Variants in C1QTNF6 observed in about 807,000 individuals in gnomAD.
C1QTNF6 encodes complement C1q tumor necrosis factor-related protein 6.
C1QTNF6 carries 17 observed loss-of-function variants against 20.7 expected under a neutral mutation model. That is an observed-to-expected ratio of 0.82 (90% CI 0.56 to 1.23). The LOEUF (loss-of-function observed/expected upper bound fraction) is 1.23, where lower values mean the gene tolerates loss of function less well. Among genes scored for constraint, C1QTNF6 ranks in the 50% most tolerant of loss-of-function variants. The pLI, the probability that C1QTNF6 is intolerant of heterozygous loss-of-function variation, is 0.00. For synonymous variants in C1QTNF6, 130 were observed against 156.3 expected, an observed-to-expected ratio of 0.83 and a Z score of 1.25; for missense variants, 329 against 389.7, an observed-to-expected ratio of 0.84 and a Z score of 1.31.
chr22:37,189,525 T>C (rs1924677137), upstream of C1QTNF6, among the ~76,000 whole-genome samples: 2 of 152,178 alleles, frequency 1.3e-5, no homozygotes, highest in Non-Finnish European at 1.5e-5. Context: ...ATCTTAAGGG[T>C]TGTAGAGGCA....
chr22:37,185,512 G>A lies in C1QTNF6; in HGVS notation c.52-57C>T, dbSNP rs1277300822. 1.3e-5 allele frequency: 20 copies of A among 1,483,612 alleles called. No homozygotes were observed. In the East Asian group the frequency reaches 1.7e-4, roughly 13 times the overall value. 91.9% of individuals were successfully genotyped at this position (1,483,612 alleles called of 1,614,324 possible). The stretch of plus-strand genomic sequence containing the variant: ...CTTCACTCAACATCTACTATGTGCC[G>A]ATGCCTGGGGTGGGCGGGTGCTGCG... On this transcript the variant is annotated intron_variant, in intron 1 of 2. Coordinates refer to ENST00000337843, the MANE Select transcript of C1QTNF6 (RefSeq NM_031910.4).
In C1QTNF6 at chr22:37,184,347, G is replaced by A. The variant is rs944355053; in HGVS notation, c.289+871C>T. ...TAAGAAAATATCGACCTCACGGGCT[G>A]TTGTGGGCAGAGACGGACGCTAAGG... is the stretch of plus-strand genomic sequence containing the variant. On this transcript the variant is annotated intron_variant, in intron 2 of 2. Coordinates refer to ENST00000337843, the MANE Select transcript of C1QTNF6 (RefSeq NM_031910.4). The surrounding 1 kb of genome is among the most constrained non-coding windows in gnomAD (Gnocchi z 4.0). 2.8e-6 allele frequency: 2 copies of A among 717,094 alleles called. No homozygotes were observed. Among genetic ancestry groups the A allele is most frequent in the African/African-American group, 1.7e-5 (1 of 57,252 alleles). The allele number at this position is 717,094 out of a possible 1,614,324, so 44.4% of individuals were successfully genotyped here. A position where few individuals can be genotyped will look rare whatever the true frequency, so the allele number is the denominator to read the frequency against.
upstream of C1QTNF6, chr22:37,191,827 C>T (rs928111656): frequency 5.3e-5 from 8 of 152,142 alleles, no homozygotes; most frequent in Admixed American, 1.3e-4. Flanking sequence ...TTTACCTTTG[C>T]ATTTGTGTAC....
upstream of C1QTNF6, among the ~76,000 whole-genome samples, chr22:37,192,173 A>C (rs1924862837): frequency 6.6e-6 from 1 of 152,216 alleles, no homozygotes. Flanking sequence ...AAGTAGGGGG[A>C]AAGTCCACAT....
intron 2 of C1QTNF6, among the ~76,000 whole-genome samples, chr22:37,183,882 A>C (rs1924021420): frequency 1.3e-5 from 2 of 152,160 alleles, no homozygotes; most frequent in South Asian, 4.1e-4. Flanking sequence ...ATAAGGCAGC[A>C]AGCTCAGGGC....
chr22:37,182,212 G>A lies in C1QTNF6; in HGVS notation c.813C>T (p.His271=). 3.1e-6 allele frequency: 5 copies of A among 1,613,190 alleles called. No individual in the cohort carries two copies. The highest frequency in any genetic ancestry group is 4.2e-6 in the Non-Finnish European group (5 of 1,179,388). ...CTCAGTCGTCCTCGGCCTTGATGAG[G>A]TGGCCGCTGAAGGTGATGTAGGTGT... ...DFDTYITFSG[H]LIKAEDD Residue 271 remains histidine, a synonymous_variant, in exon 3 of 3, where the codon CAC becomes CAT. Transcript: ENST00000337843.
chr22:37,188,014 G>A, intron 1 of C1QTNF6, 149 bp downstream of exon 1: 2 of 783,826 alleles, frequency 2.6e-6, no homozygotes, highest in South Asian at 2.0e-5. Context: ...CCAGAGGCAG[G>A]AGGAAATGTG....
chr22:37,182,643 C>T lies in C1QTNF6; in HGVS notation c.382G>A (p.Asp128Asn), dbSNP rs1923895644. 2 of 1,613,418 alleles carry T rather than the reference C, an allele frequency of 1.2e-6. No individual in the cohort carries two copies. The highest frequency in any genetic ancestry group is 1.6e-4 in the Middle Eastern group (1 of 6,062). The change falls in exon 3 of 3, where the codon GAC (aspartate) becomes AAC (asparagine). Residue 128 changes from aspartate (D) to asparagine (N), a missense_variant. Physicochemically the swap from Asp to Asn is conservative, Grantham distance 23. Transcript: ENST00000337843. ...CCGGGGCTGCCCATCTCCCCCTTGTCACCCTTGCTGCCCTGAGGGCCAGGC... is the reference window on the plus strand; with the variant it reads ...CCGGGGCTGCCCATCTCCCCCTTGTTACCCTTGCTGCCCTGAGGGCCAGGC... ...GEPGPQGSKGDKGEMGSPGAP... is the reference protein window; with the variant it reads ...GEPGPQGSKGNKGEMGSPGAP...
upstream of C1QTNF6, chr22:37,188,283 A>AGGAGGGAGAGAGGAGGGGAG (rs1924554623): frequency 6.1e-6 from 7 of 1,153,028 alleles, no homozygotes; most frequent in Admixed American, 2.2e-5. Flanking sequence ...GGCCCAGCAG[A>AGGAGGGAGAGAGGAGGGGAG]GGAGGGAGAG....
chr22:37,198,604 G>C (rs1275925718), upstream of C1QTNF6, among the ~76,000 whole-genome samples: 1 of 152,180 alleles, frequency 6.6e-6, no homozygotes, highest in East Asian at 1.9e-4. Flanking sequence ...CAAGCGCAGA[G>C]ATCAATTTCA....
At chr22:37,182,877 A>G in intron 2 of C1QTNF6, 142 bp from the exon 3 acceptor site, 1 of 1,440,540 alleles carries the variant, frequency 6.9e-7, no homozygotes, top group South Asian at 1.5e-5. Flanking sequence ...TGTATGCCAG[A>G]CATTGCCTCC....
intron 1 of C1QTNF6, among the ~76,000 whole-genome samples, chr22:37,187,819 G>A (rs986001181): frequency 6.6e-6 from 1 of 152,138 alleles, no homozygotes; most frequent in Non-Finnish European, 1.5e-5. Flanking sequence ...TGCCAGGCAG[G>A]GACCAAGTGT....
At chr22:37,193,488 T>A (rs1404476646) in intron 2 of C1QTNF6, among the ~76,000 whole-genome samples, 3 of 151,512 alleles carry the variant, frequency 2.0e-5, no homozygotes, top group Non-Finnish European at 2.9e-5. Context: ...AAAGAAAAAA[T>A]TTTTCAGAAA....
chr22:37,198,557 T>C (rs1277118376), upstream of C1QTNF6, among the ~76,000 whole-genome samples: 3 of 152,362 alleles, frequency 2.0e-5, no homozygotes, highest in East Asian at 1.9e-4. Context: ...GCGTCCGCTA[T>C]GTAGGCTCTG....
At chr22:37,192,178 C>A (rs916330348), upstream of C1QTNF6, among the ~76,000 whole-genome samples, 1 of 152,226 alleles carries the variant, frequency 6.6e-6, no homozygotes, top group Non-Finnish European at 1.5e-5. Flanking sequence ...GGGGGAAAGT[C>A]CACATTCCCA....
At chr22:37,185,655 T>G in intron 1 of C1QTNF6, 200 bp from the exon 2 acceptor site, 1 of 1,285,636 alleles carries the variant, frequency 7.8e-7, no homozygotes, top group Non-Finnish European at 9.8e-7. Flanking sequence ...GGGAGGAGAC[T>G]GGCAGGGCAG....
upstream of C1QTNF6, among the ~76,000 whole-genome samples, chr22:37,192,538 G>C (rs1448269388): frequency 2.0e-5 from 3 of 152,198 alleles, no homozygotes; most frequent in Admixed American, 6.5e-5. Flanking sequence ...TTATGACCTT[G>C]AGGCATTTAG....
At chr22:37,192,679 TTAA>T (rs1924892895), upstream of C1QTNF6, among the ~76,000 whole-genome samples, 1 of 152,258 alleles carries the variant, frequency 6.6e-6, no homozygotes, top group African/African-American at 2.4e-5. Flanking sequence ...CCAAAAGGCA[TTAA>T]TGTTTCTATT....
At chr22:37,183,293 A>G (rs879780130) in intron 2 of C1QTNF6, among the ~76,000 whole-genome samples, 13 of 152,244 alleles carry the variant, frequency 8.5e-5, no homozygotes, top group Admixed American at 8.5e-4. Flanking sequence ...TTTCTGGTCT[A>G]TATTTTAAAG....
Sources: gnomAD v4.1 joint callset for allele counts (sites outside exome capture counted in the v4.1 genomes callset) on GRCh38, gnomAD v4.1.1 for gene constraint, Gnocchi (gnomAD v3.1) non-coding constraint, MANE v1.5 for transcripts, NCBI Gene and HGNC (gene_info 2026-07-23, HGNC 2026-07-21) for gene names.